Variants in DST observed in about 807,000 individuals in gnomAD.
DST encodes the protein bullous pemphigoid antigen.
DST carries 253 observed loss-of-function variants against 875.2 expected under a neutral mutation model. The ratio of observed to expected loss-of-function variants is 0.29; its 90% CI spans 0.26 to 0.32. The LOEUF is 0.32. Ranked by LOEUF, DST falls within the 10% of genes least tolerant of loss-of-function variation. The probability of loss-of-function intolerance (pLI) is 1.00; values close to 1 mark genes in which losing one functional copy is unlikely to be tolerated. For synonymous variants in DST, 3,124 were observed against 3,197.1 expected (o/e 0.98, Z 0.77); for missense variants, 8,287 against 9,111.6 (o/e 0.91, Z 3.68).
At chr6:56,583,958 G>C (rs2098085345) in intron 49 of DST, among the ~76,000 whole-genome samples, 1 of 152,148 alleles carries the variant, frequency 6.6e-6, no homozygotes, top group Admixed American at 6.5e-5. Context: ...CTATATCTCT[G>C]TTTTGGTACC....
intron 4 of DST, chr6:56,843,800 C>T (rs888418027): frequency 1.7e-6 from 1 of 603,544 alleles, no homozygotes; most frequent in African/African-American, 2.0e-5. Context: ...GCGGTCAGCG[C>T]CCCGGCTGGC....
At chr6:56,598,791 A>C in intron 45 of DST, 82 bp from the exon 46 acceptor site, 1 of 791,314 alleles carries the variant, frequency 1.3e-6, no homozygotes. Flanking sequence ...TAAAAGACAG[A>C]GTGAGTACAG....
At chr6:56,506,344 A>G (rs2096311660) in intron 77 of DST, 99 bp downstream of exon 77, 2 of 898,154 alleles carry the variant, frequency 2.2e-6, no homozygotes, top group Non-Finnish European at 3.4e-6. Context: ...ACAATTGCAT[A>G]TGCACTGGCA....
intron 4 of DST, among the ~76,000 whole-genome samples, chr6:56,759,709 A>G (rs565609910): frequency 4.2e-4 from 64 of 152,232 alleles, no homozygotes; most frequent in South Asian, 8.3e-4. Context: ...CTCAGACAAT[A>G]AAGATGCTGA....
intron 49 of DST, among the ~76,000 whole-genome samples, chr6:56,590,838 C>T (rs1399449362): frequency 2.0e-5 from 3 of 152,184 alleles, no homozygotes; most frequent in Admixed American, 6.5e-5. Context: ...CACCCCTTCA[C>T]GGGCCTTCTC....
intron 9 of DST, among the ~76,000 whole-genome samples, chr6:56,680,016 G>T (rs1237678293): frequency 6.6e-6 from 1 of 151,914 alleles, no homozygotes; most frequent in African/African-American, 2.4e-5. Context: ...TCCCTCTCAC[G>T]TGGGTCTCTC....
At chr6:56,584,285 T>G (rs9382649) in intron 49 of DST, among the ~76,000 whole-genome samples, 55,535 of 150,604 alleles carry the variant, frequency 0.37, 10,666 homozygotes, top group Admixed American at 0.42. Flanking sequence ...GTGGTTTGTA[T>G]TTCTCCTTGA....
intron 5 of DST, among the ~76,000 whole-genome samples, chr6:56,722,732 C>A (rs34824960): frequency 0.25 from 38,123 of 152,104 alleles, 6,476 homozygotes; most frequent in African/African-American, 0.48. Context: ...GTTAAGACTA[C>A]AGGAATTATC....
At chr6:56,593,173 T>A (rs2098311106) in intron 48 of DST, among the ~76,000 whole-genome samples, 1 of 152,132 alleles carries the variant, frequency 6.6e-6, no homozygotes, top group South Asian at 2.1e-4. Flanking sequence ...AAAGTAACTT[T>A]AAGTTTCTCA....
At chr6:56,835,122 T>C (rs2099792039) in intron 4 of DST, among the ~76,000 whole-genome samples, 1 of 152,174 alleles carries the variant, frequency 6.6e-6, no homozygotes, top group Non-Finnish European at 1.5e-5. Context: ...TCCAACTATA[T>C]GACATTCTGT....
At chr6:56,745,129 T>C (rs1475616792) in intron 4 of DST, among the ~76,000 whole-genome samples, 1 of 152,202 alleles carries the variant, frequency 6.6e-6, no homozygotes. Context: ...CCAGGAAAGT[T>C]ATCAGATAAA....
intron 36 of DST, chr6:56,616,420 T>C (rs757768550): frequency 1.9e-6 from 3 of 1,614,060 alleles, no homozygotes; most frequent in Admixed American, 1.7e-5. Flanking sequence ...ACACGGTCAA[T>C]TCTGATCCTG....
intron 10 of DST, among the ~76,000 whole-genome samples, chr6:56,664,526 C>T (rs1039268194): frequency 2.0e-5 from 3 of 152,160 alleles, no homozygotes; most frequent in African/African-American, 7.2e-5. Context: ...ACTTATTAAT[C>T]CACTAGTGTT....
chr6:56,935,466 G>A (rs1812525065), intron 2 of DST, among the ~76,000 whole-genome samples: 1 of 152,208 alleles, frequency 6.6e-6, no homozygotes, highest in Non-Finnish European at 1.5e-5. Context: ...TTTAAAACTT[G>A]TTAATGGTCT....
chr6:56,766,574 A>C, intron 4 of DST, among the ~76,000 whole-genome samples: 1 of 142,004 alleles, frequency 7.0e-6, no homozygotes, highest in East Asian at 2.0e-4. Context: ...TCTGCCACCC[A>C]CGCTGGTATG....
At chr6:56,623,943 C>A (rs1456719961) in intron 36 of DST, among the ~76,000 whole-genome samples, 2 of 150,706 alleles carry the variant, frequency 1.3e-5, no homozygotes, top group African/African-American at 4.9e-5. Context: ...ATCAGAGTGG[C>A]ATTTAAATAG....
intron 4 of DST, among the ~76,000 whole-genome samples, chr6:56,735,543 C>T (rs77793770): frequency 0.024 from 3,180 of 134,244 alleles, 110 homozygotes; most frequent in African/African-American, 0.091. Context: ...CCCCTCTGTC[C>T]CATAACCCCT....
At chr6:56,491,070 G>C (rs1304704568) in intron 85 of DST, among the ~76,000 whole-genome samples, 2 of 152,208 alleles carry the variant, frequency 1.3e-5, no homozygotes, top group Non-Finnish European at 2.9e-5. Flanking sequence ...AGAGAAAACT[G>C]TCAGGCTGAG....
At chr6:56,624,350 C>T in intron 36 of DST, 180 bp downstream of exon 36, 1 of 684,224 alleles carries the variant, frequency 1.5e-6, no homozygotes, top group South Asian at 1.6e-5. Context: ...TAAAGACAAA[C>T]AAAAATCTTA....
Sources: gnomAD v4.1 joint callset for allele counts (sites outside exome capture counted in the v4.1 genomes callset) on GRCh38, gnomAD v4.1.1 for gene constraint, MANE v1.5 for transcripts, NCBI Gene and HGNC (gene_info 2026-07-23, HGNC 2026-07-21) for gene names.